NRG3: variants seen among roughly 807,000 people sequenced by gnomAD.
NRG3 encodes the protein neuregulin 3.
Under a neutral mutation model 66.9 loss-of-function variants are expected in NRG3, and 31 were observed. That is an observed-to-expected ratio of 0.46 (90% CI 0.35 to 0.63). The LOEUF (loss-of-function observed/expected upper bound fraction) is 0.63. Among genes scored for constraint, NRG3 ranks in the 20% least tolerant of loss-of-function variants. The pLI is 0.00. For missense variants in NRG3, 910 were observed against 878.9 expected, an observed-to-expected ratio of 1.04 and a Z score of -0.45; for synonymous variants, 393 against 359.4, an observed-to-expected ratio of 1.09 and a Z score of -1.06.
chr10:82,266,476 T>G (rs2078302716), intron 1 of NRG3, among the ~76,000 whole-genome samples: 1 of 152,108 alleles, frequency 6.6e-6, no homozygotes, highest in Non-Finnish European at 1.5e-5. Context: ...CAATAACTTG[T>G]CAGACTGAGT....
intron 3 of NRG3, among the ~76,000 whole-genome samples, chr10:82,810,519 T>C (rs1044072749): frequency 6.6e-6 from 1 of 152,058 alleles, no homozygotes; most frequent in Non-Finnish European, 1.5e-5. Context: ...TCCCAGCACT[T>C]TGGGAGGCCG....
chr10:82,223,678 CACACAT>C lies in NRG3; in HGVS notation c.824-135055_824-135050del, dbSNP rs1476191975. 2.6e-3 allele frequency among the ~76,000 whole-genome samples: 357 copies of C among 135,558 alleles called. 3 individuals carry two copies. The highest frequency in any genetic ancestry group is 8.4e-3 in the African/African-American group (299 of 35,804). The allele number at this position is 135,558 out of a possible 152,430, so 88.9% of individuals were successfully genotyped here. ...ACACACACACACACACACACACACACACACATACACACCACCCACGTTCTTCTGGAT... is the reference window on the plus strand; with the variant it reads ...ACACACACACACACACACACACACACACACACCACCCACGTTCTTCTGGAT... On this transcript the variant is annotated intron_variant, in intron 1 of 8. Coordinates refer to ENST00000372141, the MANE Select transcript of NRG3 (RefSeq NM_001010848.4).
chr10:82,642,897 C>CAT lies in NRG3; in HGVS notation c.954-95667_954-95666dup, dbSNP rs369198241. The stretch of plus-strand genomic sequence containing the variant: ...TGTGTCTATGTGTATTATACATACA[C>CAT]ATATATATATATATTTAAAAGGATA... On this transcript the variant is annotated intron_variant, in intron 2 of 8. Coordinates refer to ENST00000372141, the MANE Select transcript of NRG3 (RefSeq NM_001010848.4). Among the ~76,000 whole-genome samples the CAT allele has an allele frequency of 1.3e-3, 195 of 150,230 alleles. 1 individual carries two copies. Among genetic ancestry groups the CAT allele is most frequent in the South Asian group, 9.6e-3 (46 of 4,776 alleles).
chr10:82,560,550 G>A (rs114903771), intron 2 of NRG3, among the ~76,000 whole-genome samples: 4,495 of 150,636 alleles, frequency 0.03, 124 homozygotes, highest in African/African-American at 0.074. Context: ...TCTTTAATTG[G>A]CCATCTTGTT....
At chr10:82,382,494 A>T (rs1464321207) in intron 2 of NRG3, among the ~76,000 whole-genome samples, 1 of 151,862 alleles carries the variant, frequency 6.6e-6, no homozygotes, top group Non-Finnish European at 1.5e-5. Flanking sequence ...ATATCTAGTT[A>T]CCTTATGTAC....
chr10:82,027,601 A>G (rs958033359), intron 1 of NRG3, among the ~76,000 whole-genome samples: 5 of 152,116 alleles, frequency 3.3e-5, no homozygotes, highest in African/African-American at 1.2e-4. Context: ...CTGCTTGGAT[A>G]TTGGTGTGCC....
At chr10:82,271,371 C>T (rs2078585614) in intron 1 of NRG3, among the ~76,000 whole-genome samples, 1 of 151,974 alleles carries the variant, frequency 6.6e-6, no homozygotes, top group Non-Finnish European at 1.5e-5. Flanking sequence ...AAACAGAAAT[C>T]ATGATGCTAC....
rs539388670 is a variant in NRG3, at chr10:82,877,070, A to T, written c.1054+11633A>T. Among the ~76,000 whole-genome samples the T allele has an allele frequency of 2.0e-5, 3 of 152,204 alleles. No homozygotes were observed. In the South Asian group the frequency reaches 6.2e-4, roughly 32 times the overall value. On this transcript the variant is annotated intron_variant, in intron 4 of 8. Transcript: ENST00000372141. ...AAAGTAATTCTCAGAGTTATCAGAG[A>T]AGTTAAAAAATTGTTTTTTATATCC... is the stretch of plus-strand genomic sequence containing the variant.
At chr10:82,629,482 G>A (rs2049662701) in intron 2 of NRG3, among the ~76,000 whole-genome samples, 1 of 152,222 alleles carries the variant, frequency 6.6e-6, no homozygotes, top group South Asian at 2.1e-4. Flanking sequence ...GCAGAGTGCT[G>A]TAGGTGTGTA....
intron 3 of NRG3, among the ~76,000 whole-genome samples, chr10:82,809,381 A>G (rs1314763101): frequency 2.0e-5 from 3 of 151,602 alleles, no homozygotes; most frequent in Non-Finnish European, 4.4e-5. Flanking sequence ...AATATATATT[A>G]TATTTATAAA....
chr10:82,913,252 A>G (rs988315912), intron 4 of NRG3, among the ~76,000 whole-genome samples: 1 of 152,078 alleles, frequency 6.6e-6, no homozygotes, highest in African/African-American at 2.4e-5. Flanking sequence ...AGTACTTCCA[A>G]TTACTTATTT....
In NRG3 at chr10:82,080,709, T is replaced by C. The variant is rs560861864; in HGVS notation, c.823+204546T>C. 3.5e-4 allele frequency among the ~76,000 whole-genome samples: 53 copies of C among 152,252 alleles called. No homozygotes were observed. The South Asian group carries it at 7.5e-3, about 21-fold the overall frequency. ...AGTTTTCTTTTTCTTTTTTTTGTTT[T>C]AACCTTTAAAAAAAATGTGGTAAAA... On this transcript the variant is annotated intron_variant, in intron 1 of 8. Transcript: ENST00000372141.
chr10:82,923,245 C>T (rs1846627345), intron 4 of NRG3, among the ~76,000 whole-genome samples: 1 of 152,188 alleles, frequency 6.6e-6, no homozygotes, highest in Non-Finnish European at 1.5e-5. Flanking sequence ...ATGCTGTTTG[C>T]TGTGTCTGAA....
At chr10:81,989,131 C>A (rs560776383) in intron 1 of NRG3, among the ~76,000 whole-genome samples, 2 of 152,202 alleles carry the variant, frequency 1.3e-5, no homozygotes, top group East Asian at 3.9e-4. Flanking sequence ...TCAAAGACAA[C>A]CCTTATTTCT....
intron 4 of NRG3, among the ~76,000 whole-genome samples, chr10:82,886,240 T>C (rs923769982): frequency 1.3e-5 from 2 of 152,196 alleles, no homozygotes; most frequent in African/African-American, 4.8e-5. Flanking sequence ...AAGAGTGTAT[T>C]ATTTTCTTCT....
At chr10:82,686,880 A>G (rs1361043222) in intron 2 of NRG3, among the ~76,000 whole-genome samples, 1 of 152,260 alleles carries the variant, frequency 6.6e-6, no homozygotes, top group Non-Finnish European at 1.5e-5. Context: ...TGCATATTTT[A>G]GCTCTGAAGA....
At chr10:82,910,419 G>A (rs955061248) in intron 4 of NRG3, among the ~76,000 whole-genome samples, 1 of 152,244 alleles carries the variant, frequency 6.6e-6, no homozygotes, top group African/African-American at 2.4e-5. Flanking sequence ...TGCTAATGCA[G>A]CAGGCACGCT....
intron 1 of NRG3, among the ~76,000 whole-genome samples, chr10:82,152,273 C>T (rs2070810123): frequency 1.3e-5 from 2 of 152,136 alleles, no homozygotes; most frequent in African/African-American, 2.4e-5. Flanking sequence ...ATAGTTTTGA[C>T]ATACTGGAAA....
intron 2 of NRG3, among the ~76,000 whole-genome samples, chr10:82,448,285 C>A (rs1174618306): frequency 6.6e-6 from 1 of 152,188 alleles, no homozygotes; most frequent in Non-Finnish European, 1.5e-5. Context: ...CCCCCACCCG[C>A]TTTACAGCAT....
Sources: gnomAD v4.1 joint callset for allele counts (sites outside exome capture counted in the v4.1 genomes callset) on GRCh38, gnomAD v4.1.1 for gene constraint, MANE v1.5 for transcripts, NCBI Gene and HGNC (gene_info 2026-07-23, HGNC 2026-07-21) for gene names.